ITGAV: variants seen among roughly 807,000 people sequenced by gnomAD.
The protein encoded by ITGAV is integrin subunit alpha V.
ITGAV carries 76 observed loss-of-function variants against 143.8 expected under a neutral mutation model. The ratio of observed to expected loss-of-function variants is 0.53; its 90% CI spans 0.44 to 0.64. The LOEUF (loss-of-function observed/expected upper bound fraction) is 0.64. ITGAV is among the 30% of genes least tolerant of loss of function. The pLI is 0.00. For missense variants in ITGAV, 1,193 were observed against 1,274.7 expected (o/e 0.94, Z 0.98); for synonymous variants, 453 against 446.7 (o/e 1.01, Z -0.18).
chr2:186,633,989 C>T (rs913211602), intron 6 of ITGAV, among the ~76,000 whole-genome samples: 2 of 152,072 alleles, frequency 1.3e-5, no homozygotes, highest in Non-Finnish European at 2.9e-5. Context: ...GATCATACGA[C>T]TGTACTCCAG....
chr2:186,613,148 C>CT (rs76180545), intron 2 of ITGAV, among the ~76,000 whole-genome samples: 2,451 of 120,306 alleles, frequency 0.02, 26 homozygotes, highest in Middle Eastern at 0.031. Context: ...ATGGGATTGG[C>CT]TTTTTTTTTT....
chr2:186,629,035 T>G (rs1205690945), intron 4 of ITGAV, among the ~76,000 whole-genome samples: 2 of 152,128 alleles, frequency 1.3e-5, no homozygotes, highest in Non-Finnish European at 2.9e-5. Flanking sequence ...AAAGTTAATG[T>G]CATGTAAAAT....
At chr2:186,654,571 A>G in intron 15 of ITGAV, 79 bp from the exon 16 acceptor site, 1 of 677,356 alleles carries the variant, frequency 1.5e-6, no homozygotes, top group Non-Finnish European at 2.6e-6. Flanking sequence ...TATGTAGTAG[A>G]AAGATGAGAT....
At position 186,641,484 on chromosome 2, in the gene ITGAV, C is replaced by T; in HGVS notation, c.1055C>T (p.Ala352Val). ...VGQVSVSLQR[A>V]SGDFQTTKLN... ...CAGGTCTCAGTGTCTCTACAGAGAG[C>T]TTCAGGAGACTTCCAGACGACAAAG... is the stretch of plus-strand genomic sequence containing the variant. The change falls in exon 12 of 30, where the codon GCT (alanine) becomes GTT (valine). Residue 352 changes from alanine (A) to valine (V), a missense_variant. Physicochemically the swap from Ala to Val is moderately conservative, Grantham distance 64 (BLOSUM62 0). Transcript: ENST00000261023. 3 of 1,614,128 alleles carry T rather than the reference C, an allele frequency of 1.9e-6. No individual in the cohort carries two copies. Among genetic ancestry groups the T allele is most frequent in the Non-Finnish European group, 2.5e-6 (3 of 1,179,990 alleles).
chr2:186,610,977 A>G (rs771297425), intron 2 of ITGAV, among the ~76,000 whole-genome samples: 20 of 152,106 alleles, frequency 1.3e-4, no homozygotes, highest in Non-Finnish European at 2.6e-4. Flanking sequence ...CACATCTGTT[A>G]TCTTTAGTTC....
intron 2 of ITGAV, among the ~76,000 whole-genome samples, chr2:186,617,411 C>T (rs552793949): frequency 2.0e-5 from 3 of 152,266 alleles, no homozygotes; most frequent in South Asian, 2.1e-4. Context: ...GGAGTAGAGT[C>T]GAAAGCTACG....
At chr2:186,672,202 G>A (rs574760504) in intron 26 of ITGAV, among the ~76,000 whole-genome samples, 8 of 152,026 alleles carry the variant, frequency 5.3e-5, no homozygotes, top group East Asian at 3.9e-4. Context: ...CGCCCGCCTC[G>A]GCCTCCCAAA....
intron 6 of ITGAV, among the ~76,000 whole-genome samples, chr2:186,634,970 T>C (rs566929083): frequency 4.1e-4 from 62 of 152,160 alleles, no homozygotes; most frequent in Non-Finnish European, 7.5e-4. Context: ...TTTTAAGAGA[T>C]ACAGCTGTGA....
At chr2:186,613,620 C>T (rs1403364591) in intron 2 of ITGAV, among the ~76,000 whole-genome samples, 1 of 152,066 alleles carries the variant, frequency 6.6e-6, no homozygotes, top group Non-Finnish European at 1.5e-5. Context: ...ATTTAGGGAA[C>T]TTGGTCTCTT....
intron 14 of ITGAV, among the ~76,000 whole-genome samples, chr2:186,650,640 G>A (rs1326393694): frequency 6.6e-6 from 1 of 151,444 alleles, no homozygotes; most frequent in African/African-American, 2.4e-5. Context: ...TTGCTTCCCA[G>A]GTCCTAGTGA....
chr2:186,599,994 C>T (rs1016794612), intron 1 of ITGAV, among the ~76,000 whole-genome samples: 3 of 152,154 alleles, frequency 2.0e-5, no homozygotes, highest in Non-Finnish European at 4.4e-5. Flanking sequence ...TCTCCCTCTC[C>T]CTTAATGCTT....
At chr2:186,605,673 T>A (rs562547511) in intron 2 of ITGAV, among the ~76,000 whole-genome samples, 6 of 151,430 alleles carry the variant, frequency 4.0e-5, no homozygotes, top group African/African-American at 1.5e-4. Context: ...ATTGAAGAGA[T>A]GAATGTACGA....
intron 23 of ITGAV, among the ~76,000 whole-genome samples, 183 bp downstream of exon 23, chr2:186,667,413 A>C (rs1470222119): frequency 1.3e-5 from 2 of 152,232 alleles, no homozygotes; most frequent in Non-Finnish European, 2.9e-5. Flanking sequence ...GGTGATCCTC[A>C]AAAGGAACAA....
chr2:186,607,632 T>C lies in ITGAV; in HGVS notation c.316+5481T>C, dbSNP rs1339896920. Among the ~76,000 whole-genome samples, 4 of 152,300 alleles carry C rather than the reference T, an allele frequency of 2.6e-5. No homozygotes were observed. In the East Asian group the frequency reaches 5.8e-4, roughly 22 times the overall value. On this transcript the variant is annotated intron_variant, in intron 2 of 29. Transcript: ENST00000261023. Reference sequence around the variant, plus strand: ...TAACTACTTGAGATTTGGGGGATGCTTGTTACTATAGCATAATGGGAACTA... The same window carrying C: ...TAACTACTTGAGATTTGGGGGATGCCTGTTACTATAGCATAATGGGAACTA...
intron 26 of ITGAV, among the ~76,000 whole-genome samples, chr2:186,671,520 C>T (rs777683355): frequency 1.9e-4 from 29 of 152,136 alleles, no homozygotes; most frequent in Admixed American, 1.2e-3. Flanking sequence ...GAGATCTTCC[C>T]TGACCAACCC....
chr2:186,666,308 T>C (rs192458105), intron 21 of ITGAV, among the ~76,000 whole-genome samples: 4 of 152,300 alleles, frequency 2.6e-5, no homozygotes, highest in Admixed American at 1.3e-4. Flanking sequence ...CATGTTCCCT[T>C]ACTCTAGTAA....
At chr2:186,637,360 T>G (rs1687975358) in intron 8 of ITGAV, among the ~76,000 whole-genome samples, 1 of 150,796 alleles carries the variant, frequency 6.6e-6, no homozygotes, top group South Asian at 2.1e-4. Flanking sequence ...TGCACACCAG[T>G]GTCTAGCTTC....
chr2:186,618,808 A>C (rs1397882966), intron 2 of ITGAV, among the ~76,000 whole-genome samples: 2 of 152,210 alleles, frequency 1.3e-5, no homozygotes, highest in African/African-American at 4.8e-5. Context: ...AAAAGTGGGA[A>C]TGTAAATTAA....
intron 1 of ITGAV, chr2:186,600,122 C>A: frequency 4.0e-6 from 2 of 501,460 alleles, no homozygotes; most frequent in Non-Finnish European, 7.1e-6. Flanking sequence ...GGCCAAAAGG[C>A]CCTATTTGAC....
Sources: allele counts gnomAD v4.1 joint callset (sites outside exome capture counted in the v4.1 genomes callset), GRCh38; gene constraint gnomAD v4.1.1; transcripts MANE v1.5; gene names NCBI Gene and HGNC (gene_info 2026-07-23, HGNC 2026-07-21).